Variants in TMC5 observed in about 807,000 individuals in gnomAD.
TMC5 encodes transmembrane channel-like protein 5.
A neutral mutation model predicts 110.5 loss-of-function variants in TMC5; 86 were observed. The ratio of observed to expected loss-of-function variants is 0.78; its 90% CI spans 0.65 to 0.93. The LOEUF is 0.93. TMC5 is among the 40% of genes least tolerant of loss of function. The pLI is 0.00. For missense variants in TMC5, 1,144 were observed against 1,222.8 expected (o/e 0.94, Z 0.96); for synonymous variants, 455 against 439.5 (o/e 1.04, Z -0.44).
chr16:19,421,751 C>T (rs1966987555), intron 1 of TMC5, among the ~76,000 whole-genome samples: 1 of 152,102 alleles, frequency 6.6e-6, no homozygotes, highest in Non-Finnish European at 1.5e-5. Flanking sequence ...GAAAAGGTAG[C>T]AGAATTCAAG....
chr16:19,438,987 A>G (rs1348688628), intron 2 of TMC5, among the ~76,000 whole-genome samples: 1 of 152,208 alleles, frequency 6.6e-6, no homozygotes. Context: ...AATGGAAGTG[A>G]GGTTCAGGAG....
At chr16:19,461,575 G>GA (rs137926972) in intron 6 of TMC5, among the ~76,000 whole-genome samples, 11,255 of 149,546 alleles carry the variant, frequency 0.075, 897 homozygotes, top group African/African-American at 0.2. Flanking sequence ...CTCTGTATCG[G>GA]AAAAAAAAAT....
Position 19,479,595 on chromosome 16 carries a change from G to A in TMC5, c.2267+67G>A, listed in dbSNP as rs1968567473. The A allele has an allele frequency of 5.2e-6, 6 of 1,153,304 alleles. No individual in the cohort carries two copies. In the South Asian group the frequency reaches 7.8e-5, roughly 15 times the overall value. The allele number at this position is 1,153,304 out of a possible 1,614,324, so 71.4% of individuals were successfully genotyped here. A position where few individuals can be genotyped will look rare whatever the true frequency, so the allele number is the denominator to read the frequency against. ...TAAACAGAACCTGATTCCTGGCTGA[G>A]TGGGACATACAGGTGCCTGACATAC... On this transcript the variant is annotated intron_variant, in intron 14 of 21. Coordinates refer to ENST00000542583, the MANE Select transcript of TMC5 (RefSeq NM_001261841.2).
Position 19,472,128 on chromosome 16 carries a change from C to G in TMC5, c.1823C>G (p.Thr608Arg). 1 of 1,614,142 alleles carries G rather than the reference C, an allele frequency of 6.2e-7. No homozygotes were observed. The highest frequency in any genetic ancestry group is 8.5e-7 in the Non-Finnish European group (1 of 1,179,994). The change falls in exon 11 of 22, where the codon ACG becomes AGG. Residue 608 changes from threonine to arginine, a missense_variant. Coordinates refer to ENST00000542583, the MANE Select transcript of TMC5 (RefSeq NM_001261841.2). ...SELRQENSKL[T>R]FNQLLTRFSA... ...CTCCGTCAGGAGAATTCCAAGTTGA[C>G]GTTCAATCAGCTGCTGACCCGCTTC...
rs1467177660 is a variant in TMC5 at position 19,463,908 on chromosome 16, T to C, written c.1369T>C (p.Leu457=). Residue 457 remains leucine, a synonymous_variant, in exon 8 of 22, where the codon TTG becomes CTG. Transcript: ENST00000542583. ...CTATTTCAACTTTCTGAGATGGCTT[T>C]TGAAGTTCAACATTTTCTCATTCAT... ...LSYFNFLRWL[L]KFNIFSFILN... 6.2e-7 allele frequency: 1 copy of C among 1,614,086 alleles called. No homozygotes were observed. Among genetic ancestry groups the C allele is most frequent in the Admixed American group, 1.7e-5 (1 of 59,996 alleles).
intron 6 of TMC5, chr16:19,462,452 C>G: frequency 1.4e-6 from 1 of 696,224 alleles, no homozygotes; most frequent in Non-Finnish European, 2.6e-6. Flanking sequence ...ATACTTGAGA[C>G]TGGGTGATTT....
At chr16:19,453,011 T>TCA (rs71375640) in intron 5 of TMC5, among the ~76,000 whole-genome samples, 1 of 145,486 alleles carries the variant, frequency 6.9e-6, no homozygotes, top group Non-Finnish European at 1.5e-5. Flanking sequence ...TATATATATA[T>TCA]TATATATATA....
chr16:19,443,238 T>C (rs949127632), intron 3 of TMC5, among the ~76,000 whole-genome samples: 1 of 152,226 alleles, frequency 6.6e-6, no homozygotes, highest in Non-Finnish European at 1.5e-5. Context: ...AGGACAAGGC[T>C]TGGGAAGTGG....
At chr16:19,463,754 C>A in intron 7 of TMC5, 22 bp from the exon 8 acceptor site, 2 of 1,609,994 alleles carry the variant, frequency 1.2e-6, no homozygotes, top group South Asian at 1.1e-5. Flanking sequence ...CAAGCCACAC[C>A]TGCTTTGAAT....
At chr16:19,415,900 G>T (rs755560654), upstream of TMC5, among the ~76,000 whole-genome samples, 1 of 152,188 alleles carries the variant, frequency 6.6e-6, no homozygotes, top group Non-Finnish European at 1.5e-5. Context: ...AAAGATTGGG[G>T]CTGGGTGCAG....
intron 14 of TMC5, among the ~76,000 whole-genome samples, chr16:19,480,885 T>A (rs928455011): frequency 6.6e-6 from 1 of 151,492 alleles, no homozygotes; most frequent in Admixed American, 6.6e-5. Flanking sequence ...TCTTTATGAA[T>A]AAATTAATAT....
intron 15 of TMC5, among the ~76,000 whole-genome samples, chr16:19,485,198 G>A (rs1403798161): frequency 1.3e-5 from 2 of 150,276 alleles, no homozygotes; most frequent in Non-Finnish European, 1.5e-5. Flanking sequence ...CCAAAGTGCT[G>A]GGATAACAGG....
intron 11 of TMC5, among the ~76,000 whole-genome samples, chr16:19,473,508 G>A (rs971241687): frequency 6.6e-6 from 1 of 152,038 alleles, no homozygotes; most frequent in African/African-American, 2.4e-5. Context: ...ATTGCCCTGG[G>A]CATCTTGGTA....
chr16:19,437,652 G>C lies in TMC5; in HGVS notation c.-79-2308G>C, dbSNP rs1421103879. 1.4e-4 allele frequency among the ~76,000 whole-genome samples: 21 copies of C among 152,138 alleles called. 1 individual carries two copies. The highest frequency in any genetic ancestry group is 1.4e-3 in the Admixed American group (21 of 15,282). On this transcript the variant is annotated intron_variant, in intron 2 of 21. Coordinates refer to ENST00000542583, the MANE Select transcript of TMC5 (RefSeq NM_001261841.2). ...TCTACTTCCTTATTTCAAAAATATTGCCGTTCATCTCATCATGCTGGCTTG... is the reference window on the plus strand; with the variant it reads ...TCTACTTCCTTATTTCAAAAATATTCCCGTTCATCTCATCATGCTGGCTTG...
At chr16:19,438,406 AAAG>A (rs1229226012) in intron 2 of TMC5, among the ~76,000 whole-genome samples, 1 of 105,532 alleles carries the variant, frequency 9.5e-6, no homozygotes, top group Non-Finnish European at 2.1e-5. Context: ...AAAAAAAAAA[AAAG>A]AAGAAAGAAA....
intron 5 of TMC5, among the ~76,000 whole-genome samples, chr16:19,459,400 G>A (rs1201672283): frequency 1.3e-5 from 2 of 152,192 alleles, no homozygotes; most frequent in Non-Finnish European, 2.9e-5. Context: ...TTCTAGGAAG[G>A]TGGAAGGGCA....
chr16:19,490,764 C>A (rs1435666746), intron 18 of TMC5, among the ~76,000 whole-genome samples, 196 bp downstream of exon 18: 1 of 35,014 alleles, frequency 2.9e-5, no homozygotes, highest in African/African-American at 7.0e-5. Context: ...CCTTCCTTCC[C>A]TTCCTTTTTT....
At chr16:19,414,082 C>T (rs1278785358), upstream of TMC5, among the ~76,000 whole-genome samples, 1 of 152,218 alleles carries the variant, frequency 6.6e-6, no homozygotes, top group Non-Finnish European at 1.5e-5. Flanking sequence ...CATCCAATGA[C>T]ATAGAACTAT....
chr16:19,445,227 G>A (rs1397612111), intron 4 of TMC5, among the ~76,000 whole-genome samples: 1 of 150,496 alleles, frequency 6.6e-6, no homozygotes, highest in African/African-American at 2.4e-5. Context: ...TAGATAAGAT[G>A]CTTAGCTCCA....
Sources: allele counts gnomAD v4.1 joint callset (sites outside exome capture counted in the v4.1 genomes callset), GRCh38; gene constraint gnomAD v4.1.1; transcripts MANE v1.5; gene names NCBI Gene and HGNC (gene_info 2026-07-23, HGNC 2026-07-21).